Variants in CTNNA2 observed in about 807,000 individuals in gnomAD.
CTNNA2 encodes catenin alpha 2.
In CTNNA2, 42 loss-of-function variants were observed where a neutral mutation model predicts 101.0. That is an observed-to-expected ratio of 0.42 (90% CI 0.32 to 0.54). The LOEUF (loss-of-function observed/expected upper bound fraction) is 0.54, where lower values mean the gene tolerates loss of function less well. Ranked by LOEUF, CTNNA2 falls within the 20% of genes least tolerant of loss-of-function variation. The pLI is 0.14. For synonymous variants in CTNNA2, 450 were observed against 456.4 expected (o/e 0.99, Z 0.18); for missense variants, 871 against 1,223.1 (o/e 0.71, Z 4.29).
At chr2:80,335,766 C>T (rs1264101356) in intron 7 of CTNNA2, among the ~76,000 whole-genome samples, 3 of 152,166 alleles carry the variant, frequency 2.0e-5, no homozygotes, top group Admixed American at 6.5e-5. Flanking sequence ...AGTGAGAGTT[C>T]CCAATTCCTG....
chr2:79,555,104 TA>T (rs1674360837), intron 1 of CTNNA2, among the ~76,000 whole-genome samples: 1 of 152,202 alleles, frequency 6.6e-6, no homozygotes, highest in Non-Finnish European at 1.5e-5. Context: ...CTTTTTGCCT[TA>T]GGGCACATTC....
At chr2:80,145,482 G>A (rs1389130991) in intron 7 of CTNNA2, among the ~76,000 whole-genome samples, 1 of 152,164 alleles carries the variant, frequency 6.6e-6, no homozygotes, top group Admixed American at 6.5e-5. Flanking sequence ...GTACCATGCT[G>A]CCTCCCCAAA....
intron 1 of CTNNA2, among the ~76,000 whole-genome samples, chr2:79,192,492 G>A (rs775928792): frequency 2.0e-5 from 3 of 151,966 alleles, no homozygotes; most frequent in African/African-American, 4.8e-5. Flanking sequence ...ATATTTTTTC[G>A]CTCACAGTTA....
Position 79,843,103 on chromosome 2 carries a change from A to G in CTNNA2, c.299-14910A>G, listed in dbSNP as rs372084180. ...AAATGTGTAACAATGGGGCAAAAGAAGCCTTAAGGCTAAATTCTGTGAATG... is the reference window on the plus strand; with the variant it reads ...AAATGTGTAACAATGGGGCAAAAGAGGCCTTAAGGCTAAATTCTGTGAATG... On this transcript the variant is annotated intron_variant, in intron 3 of 18. Coordinates refer to ENST00000402739, the MANE Select transcript of CTNNA2 (RefSeq NM_001282597.3). 5.4e-4 allele frequency among the ~76,000 whole-genome samples: 82 copies of G among 152,352 alleles called. 1 individual carries two copies. In the East Asian group the frequency reaches 7.3e-3, roughly 14 times the overall value.
chr2:79,282,522 C>T (rs1360214886), intron 2 of CTNNA2, among the ~76,000 whole-genome samples: 1 of 150,396 alleles, frequency 6.6e-6, no homozygotes, highest in African/African-American at 2.4e-5. Flanking sequence ...GTTTTTTGTT[C>T]TTGCGATAGT....
At chr2:80,441,062 G>T (rs1378892309) in intron 9 of CTNNA2, among the ~76,000 whole-genome samples, 1 of 152,140 alleles carries the variant, frequency 6.6e-6, no homozygotes, top group African/African-American at 2.4e-5. Flanking sequence ...AGCTTTCATT[G>T]GAAAATGGCA....
chr2:80,311,211 G>A (rs1228788246), intron 7 of CTNNA2, among the ~76,000 whole-genome samples: 4 of 152,050 alleles, frequency 2.6e-5, no homozygotes, highest in Non-Finnish European at 4.4e-5. Flanking sequence ...GCCTTTAAAT[G>A]TTTATTCTAG....
At chr2:79,449,354 A>G (rs1255281335) in intron 4 of CTNNA2, among the ~76,000 whole-genome samples, 6 of 152,044 alleles carry the variant, frequency 3.9e-5, no homozygotes, top group Non-Finnish European at 8.8e-5. Flanking sequence ...GGAGCTTGAA[A>G]GGAATGGGTC....
chr2:80,055,813 C>T (rs1427932216), intron 7 of CTNNA2, among the ~76,000 whole-genome samples: 3 of 152,124 alleles, frequency 2.0e-5, no homozygotes, highest in Non-Finnish European at 2.9e-5. Flanking sequence ...TTCTGGCATG[C>T]CTTCAGTGCA....
At position 80,302,903 on chromosome 2, in the gene CTNNA2, A is replaced by C. The variant is rs1269977062; in HGVS notation, c.1057-90308A>C. The C allele has an allele frequency of 6.2e-7, 1 of 1,613,962 alleles. No homozygotes were observed. The highest frequency in any genetic ancestry group is 8.5e-7 in the Non-Finnish European group (1 of 1,180,030). On this transcript the variant is annotated intron_variant, in intron 7 of 18. Transcript: ENST00000402739. This position sits in a 1 kb window ranked among gnomAD's most constrained non-coding sequence, Gnocchi z 6.4. ...GTTCCCGGCCAGGGTGATGCTTGTCAGGGACTTCCAAGAGTTGAGGATCCG... is the reference window on the plus strand; with the variant it reads ...GTTCCCGGCCAGGGTGATGCTTGTCCGGGACTTCCAAGAGTTGAGGATCCG...
In CTNNA2 at chr2:80,158,860, G is replaced by A. The variant is rs539872012; in HGVS notation, c.1057-234351G>A. Among the ~76,000 whole-genome samples, 19 of 151,366 alleles carry A rather than the reference G, an allele frequency of 1.3e-4. No homozygotes were observed. The South Asian group carries it at 3.8e-3, about 30-fold the overall frequency. Reference sequence around the variant, plus strand: ...TGGAAGGCAGAGCTTGCAGTGAGCCGAGATCGTGCCACTGCACTCTAGCCT... The same window carrying A: ...TGGAAGGCAGAGCTTGCAGTGAGCCAAGATCGTGCCACTGCACTCTAGCCT... On this transcript the variant is annotated intron_variant, in intron 7 of 18. Coordinates refer to ENST00000402739, the MANE Select transcript of CTNNA2 (RefSeq NM_001282597.3).
chr2:79,788,300 T>TG (rs1675008015), intron 3 of CTNNA2, among the ~76,000 whole-genome samples: 1 of 152,174 alleles, frequency 6.6e-6, no homozygotes, highest in South Asian at 2.1e-4. Context: ...GCAATGGAAT[T>TG]GGAGTGCAGG....
At chr2:80,473,983 G>A (rs774272695) in intron 9 of CTNNA2, among the ~76,000 whole-genome samples, 96 of 152,160 alleles carry the variant, frequency 6.3e-4, no homozygotes, top group Admixed American at 1.4e-3. Flanking sequence ...TTACATTCCT[G>A]CCCAGCCACA....
intron 9 of CTNNA2, among the ~76,000 whole-genome samples, chr2:80,475,234 T>A (rs575250152): frequency 6.6e-6 from 1 of 152,256 alleles, no homozygotes; most frequent in Admixed American, 6.5e-5. Flanking sequence ...CACTGGAAAG[T>A]GTAAATTGTG....
At chr2:79,811,850 G>A (rs1677065949) in intron 3 of CTNNA2, among the ~76,000 whole-genome samples, 1 of 152,064 alleles carries the variant, frequency 6.6e-6, no homozygotes, top group Non-Finnish European at 1.5e-5. Flanking sequence ...AAAACTCCCA[G>A]TCCATGAACA....
intron 3 of CTNNA2, among the ~76,000 whole-genome samples, chr2:79,852,019 T>G (rs1489820118): frequency 6.6e-6 from 1 of 152,128 alleles, no homozygotes; most frequent in East Asian, 1.9e-4. Flanking sequence ...ATTACAGGTG[T>G]GAGCCACAAC....
At chr2:79,935,518 A>G (rs578241408) in intron 7 of CTNNA2, among the ~76,000 whole-genome samples, 2 of 152,324 alleles carry the variant, frequency 1.3e-5, no homozygotes, top group Admixed American at 1.3e-4. Context: ...AAGAGAGGCT[A>G]TCATTTATTT....
intron 1 of CTNNA2, among the ~76,000 whole-genome samples, chr2:79,191,954 T>C (rs553501141): frequency 7.2e-5 from 11 of 152,218 alleles, no homozygotes; most frequent in African/African-American, 2.6e-4. Flanking sequence ...AACCATTCCA[T>C]GGTTGCTGGT....
chr2:79,548,136 G>A (rs571059966), intron 1 of CTNNA2: 1 of 152,140 alleles, frequency 6.6e-6, no homozygotes, highest in African/African-American at 2.4e-5. Flanking sequence ...GTTTTAGTAC[G>A]TTTATTACTG....
Sources: gnomAD v4.1 joint callset for allele counts (sites outside exome capture counted in the v4.1 genomes callset) on GRCh38, gnomAD v4.1.1 for gene constraint, Gnocchi (gnomAD v3.1) non-coding constraint, MANE v1.5 for transcripts, NCBI Gene and HGNC (gene_info 2026-07-23, HGNC 2026-07-21) for gene names.